AFG1L: variants seen among roughly 807,000 people sequenced by gnomAD.
AFG1L encodes AFG1 like ATPase, also known as AFG1-like ATPase.
AFG1L carries 53 observed loss-of-function variants against 62.2 expected under a neutral mutation model. The observed-to-expected ratio is 0.85, with a 90% CI of 0.68 to 1.07. The LOEUF is 1.07. Among genes scored for constraint, AFG1L ranks in the 50% least tolerant of loss-of-function variants. The pLI, the probability that AFG1L is intolerant of heterozygous loss-of-function variation, is 0.00. For missense variants in AFG1L, 555 were observed against 590.5 expected, an observed-to-expected ratio of 0.94 and a Z score of 0.62; for synonymous variants, 228 against 210.3, an observed-to-expected ratio of 1.08 and a Z score of -0.73.
chr6:108,366,472 C>T, intron 6 of AFG1L, 140 bp downstream of exon 6: 1 of 498,144 alleles, frequency 2.0e-6, no homozygotes, highest in Non-Finnish European at 3.5e-6. Flanking sequence ...CTGGCTTAAT[C>T]TGAAAAATCA....
At chr6:108,310,185 G>A (rs1018659852) in intron 1 of AFG1L, among the ~76,000 whole-genome samples, 16 of 152,130 alleles carry the variant, frequency 1.1e-4, no homozygotes, top group African/African-American at 3.6e-4. Context: ...TGGGGGAGAC[G>A]TTATTATACT....
At chr6:108,510,395 T>C (rs1459965966) in intron 11 of AFG1L, 43 bp downstream of exon 11, 2 of 1,497,426 alleles carry the variant, frequency 1.3e-6, no homozygotes, top group Non-Finnish European at 1.8e-6. Flanking sequence ...CACTTTGTAT[T>C]GTGAAGCCAG....
intron 7 of AFG1L, among the ~76,000 whole-genome samples, chr6:108,407,029 T>A (rs970035055): frequency 2.6e-5 from 4 of 152,092 alleles, no homozygotes; most frequent in South Asian, 4.1e-4. Context: ...TCCACTGATA[T>A]CATTGTGGGA....
chr6:108,488,284 G>A (rs1773644751), intron 10 of AFG1L, among the ~76,000 whole-genome samples: 1 of 152,114 alleles, frequency 6.6e-6, no homozygotes, highest in African/African-American at 2.4e-5. Flanking sequence ...CCACTTTTAT[G>A]GAGTCTTAAT....
intron 2 of AFG1L, chr6:108,344,709 C>T (rs1298423650): frequency 4.2e-6 from 2 of 470,834 alleles, no homozygotes; most frequent in East Asian, 1.4e-4. Flanking sequence ...ATAATCTTCA[C>T]TTTTTTCTGT....
At chr6:108,347,813 CTTTTTTAA>C (rs952323965) in intron 3 of AFG1L, among the ~76,000 whole-genome samples, 3 of 152,024 alleles carry the variant, frequency 2.0e-5, no homozygotes, top group Non-Finnish European at 4.4e-5. Flanking sequence ...TCTTTGATGT[CTTTTTTAA>C]TTTTTTAATT....
At chr6:108,488,123 C>G (rs1271852891) in intron 10 of AFG1L, among the ~76,000 whole-genome samples, 1 of 152,114 alleles carries the variant, frequency 6.6e-6, no homozygotes. Flanking sequence ...TTTGTTTGTT[C>G]CCTTATGCAG....
chr6:108,360,190 C>G (rs1779468347), intron 5 of AFG1L, among the ~76,000 whole-genome samples: 2 of 152,170 alleles, frequency 1.3e-5, no homozygotes, highest in Admixed American at 6.5e-5. Context: ...AAGGTAGTGT[C>G]ATTTTCCTTG....
At chr6:108,379,088 A>G (rs1019026730) in intron 6 of AFG1L, among the ~76,000 whole-genome samples, 3 of 144,884 alleles carry the variant, frequency 2.1e-5, no homozygotes, top group African/African-American at 5.2e-5. Context: ...TTGGCTTACT[A>G]CAACCTCCTC....
chr6:108,326,008 C>A (rs1231872681), intron 2 of AFG1L, among the ~76,000 whole-genome samples: 2 of 152,090 alleles, frequency 1.3e-5, no homozygotes, highest in Admixed American at 1.3e-4. Flanking sequence ...AACTCCTGAT[C>A]TCAAATGATC....
In AFG1L at chr6:108,381,012, C is replaced by A. The variant is rs540195586; in HGVS notation, c.748+14680C>A. On this transcript the variant is annotated intron_variant, in intron 6 of 12. Transcript: ENST00000368977. Reference sequence around the variant, plus strand: ...CCATTTTCCTCCTTGAATTAAAACTCACAGAGTTTATCTTTATATACTATC... The same window carrying A: ...CCATTTTCCTCCTTGAATTAAAACTAACAGAGTTTATCTTTATATACTATC... Among the ~76,000 whole-genome samples the A allele has an allele frequency of 3.3e-5, 5 of 152,354 alleles. No homozygotes were observed. The East Asian group carries it at 9.6e-4, about 29-fold the overall frequency.
At chr6:108,369,916 T>G (rs2114510999) in intron 6 of AFG1L, among the ~76,000 whole-genome samples, 1 of 151,084 alleles carries the variant, frequency 6.6e-6, no homozygotes. Flanking sequence ...AGCCCCAGAT[T>G]GATCTGGCTG....
chr6:108,396,563 T>A (rs1366615807), intron 6 of AFG1L, among the ~76,000 whole-genome samples: 1 of 152,186 alleles, frequency 6.6e-6, no homozygotes, highest in East Asian at 1.9e-4. Context: ...CAATCTTGGC[T>A]CACTGCAACC....
intron 1 of AFG1L, chr6:108,318,367 G>A: frequency 5.2e-6 from 2 of 381,950 alleles, no homozygotes; most frequent in Admixed American, 3.2e-5. Context: ...TTTTGAACTG[G>A]GAAGAGGTAA....
chr6:108,449,806 G>C (rs1771977902), intron 8 of AFG1L, among the ~76,000 whole-genome samples: 1 of 152,040 alleles, frequency 6.6e-6, no homozygotes, highest in Admixed American at 6.5e-5. Flanking sequence ...CTGTGTCCAT[G>C]TGTTCTCATT....
chr6:108,312,688 A>T (rs749185515), intron 1 of AFG1L, among the ~76,000 whole-genome samples: 7 of 152,234 alleles, frequency 4.6e-5, no homozygotes, highest in Non-Finnish European at 7.3e-5. Flanking sequence ...ATGTGGAAAC[A>T]GTGTCAATAC....
At position 108,510,307 on chromosome 6, in the gene AFG1L, A is replaced by G. The variant is rs374913088; in HGVS notation, c.1158A>G (p.Gln386=). 7 of 1,612,590 alleles carry G rather than the reference A, an allele frequency of 4.3e-6. No homozygotes were observed. Among genetic ancestry groups the G allele is most frequent in the Admixed American group, 1.7e-5 (1 of 59,814 alleles). ...IPQFTLANRT[Q]GRRFITLIDN... The stretch of plus-strand genomic sequence containing the variant: ...AATTTACTCTGGCAAACAGGACTCA[A>G]GGTCGAAGATTCATAACTCTCATCG... The change falls in exon 11 of 13, where the codon CAA becomes CAG. Residue 386 remains glutamine, a synonymous_variant. Transcript: ENST00000368977.
At chr6:108,296,379 C>T (rs1198698768) in intron 1 of AFG1L, among the ~76,000 whole-genome samples, 2 of 152,040 alleles carry the variant, frequency 1.3e-5, no homozygotes, top group African/African-American at 2.4e-5. Context: ...TCAATAAAAG[C>T]AAATGCTATA....
intron 1 of AFG1L, among the ~76,000 whole-genome samples, chr6:108,303,525 C>A (rs200184368): frequency 6.6e-6 from 1 of 152,216 alleles, no homozygotes. Context: ...CCTGGAGATA[C>A]CTGATACTTC....
Sources: allele counts gnomAD v4.1 joint callset (sites outside exome capture counted in the v4.1 genomes callset), GRCh38; gene constraint gnomAD v4.1.1; transcripts MANE v1.5; gene names NCBI Gene and HGNC (gene_info 2026-07-23, HGNC 2026-07-21).